Variants in PLEKHA6 observed in about 807,000 individuals in gnomAD.
The protein encoded by PLEKHA6 is pleckstrin homology domain containing A6.
Under a neutral mutation model 116.7 loss-of-function variants are expected in PLEKHA6, and 60 were observed. That is an observed-to-expected ratio of 0.51 (90% CI 0.42 to 0.64). The LOEUF is 0.64. Ranked by LOEUF, PLEKHA6 falls within the 30% of genes least tolerant of loss-of-function variation. PLEKHA6 has a pLI of 0.00. For missense variants in PLEKHA6, 1,338 were observed against 1,422.7 expected (o/e 0.94, Z 0.96); for synonymous variants, 489 against 556.1 (o/e 0.88, Z 1.70).
chr1:204,377,305 T>C (rs2103426257), intron 1 of PLEKHA6, among the ~76,000 whole-genome samples: 1 of 152,204 alleles, frequency 6.6e-6, no homozygotes, highest in Non-Finnish European at 1.5e-5. Context: ...CCTGGAGGCC[T>C]CGCATGTGAC....
intron 1 of PLEKHA6, among the ~76,000 whole-genome samples, chr1:204,312,604 G>A (rs951032165): frequency 1.3e-5 from 2 of 152,156 alleles, no homozygotes; most frequent in Admixed American, 6.5e-5. Flanking sequence ...CCTTTTCTCG[G>A]CAGCGCTGCT....
chr1:204,314,677 C>T (rs941493143), intron 1 of PLEKHA6, among the ~76,000 whole-genome samples: 1 of 152,218 alleles, frequency 6.6e-6, no homozygotes, highest in Non-Finnish European at 1.5e-5. Flanking sequence ...CTCCTGTGCC[C>T]TTCCCTGAGT....
At chr1:204,286,146 A>G (rs1572068774) in intron 1 of PLEKHA6, among the ~76,000 whole-genome samples, 1 of 152,222 alleles carries the variant, frequency 6.6e-6, no homozygotes, top group African/African-American at 2.4e-5. Context: ...CATCACAAGA[A>G]GCAGGTGCCA....
Position 204,228,268 on chromosome 1 carries a change from G to A in PLEKHA6, c.2886-40C>T. 6.4e-7 allele frequency: 1 copy of A among 1,554,878 alleles called. No individual in the cohort carries two copies. Among genetic ancestry groups the A allele is most frequent in the Non-Finnish European group, 8.7e-7 (1 of 1,145,482 alleles). ...ACACACAGAAATGGAGGGAGGGACA[G>A]GATGGTCCAAGTGGCTTGAGGGGGC... is the stretch of plus-strand genomic sequence containing the variant. On this transcript the variant is annotated intron_variant, in intron 20 of 22. Transcript: ENST00000272203. The surrounding 1 kb of genome is among the most constrained non-coding windows in gnomAD (Gnocchi z 4.0).
chr1:204,356,556 G>A (rs1359643441), intron 1 of PLEKHA6, among the ~76,000 whole-genome samples: 1 of 148,266 alleles, frequency 6.7e-6, no homozygotes, highest in East Asian at 1.9e-4. Context: ...AACAGAACAA[G>A]GCCCTGTCTC....
rs4245725 is a variant in PLEKHA6, at chr1:204,275,602, C to G, written c.-94-793G>C. 5.9e-5 allele frequency: 36 copies of G among 607,864 alleles called. 1 individual carries two copies. Among genetic ancestry groups the G allele is most frequent in the Non-Finnish European group, 7.2e-5 (35 of 485,158 alleles). 37.7% of individuals were successfully genotyped at this position (607,864 alleles called of 1,614,324 possible). ...GCATCGTGGAGCCTCCTTGGGAAGA[C>G]CTGCTGTGGCTCCTCCGGCTGGCTG... is the stretch of plus-strand genomic sequence containing the variant. On this transcript the variant is annotated intron_variant, in intron 1 of 22. Coordinates refer to ENST00000272203, the MANE Select transcript of PLEKHA6 (RefSeq NM_014935.5).
chr1:204,337,469 C>T (rs1672689426), intron 1 of PLEKHA6, among the ~76,000 whole-genome samples: 1 of 152,184 alleles, frequency 6.6e-6, no homozygotes, highest in African/African-American at 2.4e-5. Flanking sequence ...CTCCTACATG[C>T]TCTGAGACAG....
Position 204,259,525 on chromosome 1 carries a change from G to A in PLEKHA6, c.740C>T (p.Ser247Leu), listed in dbSNP as rs1171955931. The A allele has an allele frequency of 2.5e-6, 4 of 1,614,114 alleles. No homozygotes were observed. The highest frequency in any genetic ancestry group is 3.4e-6 in the Non-Finnish European group (4 of 1,179,978). Residue 247 changes from serine to leucine, a missense_variant, in exon 8 of 23, where the codon TCA becomes TTA. Ser to Leu is a moderately radical substitution (Grantham distance 145). Transcript: ENST00000272203. This position sits in a 1 kb window ranked among gnomAD's most constrained non-coding sequence, Gnocchi z 4.6. ...NGLPAGPEPA[S>L]EPGSPYPEGP... is the part of the protein sequence containing the mutation. ...CTCGGGGTAAGGGCTGCCCGGCTCT[G>A]AGGCTGGCTCCGGTCCAGCTGGGAG... is the stretch of plus-strand genomic sequence containing the variant.
chr1:204,276,129 G>GTT (rs35199313), intron 1 of PLEKHA6, among the ~76,000 whole-genome samples: 5 of 151,800 alleles, frequency 3.3e-5, no homozygotes, highest in East Asian at 3.9e-4. Context: ...ATCAAAGAGT[G>GTT]TTTTTTTTCA....
intron 1 of PLEKHA6, among the ~76,000 whole-genome samples, chr1:204,280,116 G>A (rs1668440517): frequency 6.6e-6 from 1 of 152,142 alleles, no homozygotes; most frequent in Non-Finnish European, 1.5e-5. Flanking sequence ...AAGAAAAGAA[G>A]CAGATCCTCT....
intron 3 of PLEKHA6, among the ~76,000 whole-genome samples, chr1:204,270,916 C>T (rs556581864): frequency 6.6e-6 from 1 of 152,210 alleles, no homozygotes; most frequent in South Asian, 2.1e-4. Context: ...GGGGAGGACC[C>T]GTCTTCCCTT....
chr1:204,235,760 C>T (rs1271192951), intron 17 of PLEKHA6, among the ~76,000 whole-genome samples: 2 of 152,154 alleles, frequency 1.3e-5, no homozygotes, highest in East Asian at 1.9e-4. Flanking sequence ...TCTTATGAAC[C>T]TTTTTTTGCC....
At chr1:204,322,216 A>C (rs79054247) in intron 1 of PLEKHA6, among the ~76,000 whole-genome samples, 3,210 of 152,256 alleles carry the variant, frequency 0.021, 93 homozygotes, top group African/African-American at 0.073. Context: ...GGTCCGTCTG[A>C]ACCCGCCCCC....
chr1:204,226,781 T>C (rs1416999128), intron 21 of PLEKHA6, among the ~76,000 whole-genome samples: 2 of 152,230 alleles, frequency 1.3e-5, no homozygotes, highest in Non-Finnish European at 2.9e-5. Flanking sequence ...TTTCTGTAGC[T>C]AAAATCTGGT....
chr1:204,291,085 T>G (rs995253577), intron 1 of PLEKHA6, among the ~76,000 whole-genome samples: 1 of 151,960 alleles, frequency 6.6e-6, no homozygotes, highest in African/African-American at 2.4e-5. Flanking sequence ...AGGACTTTTA[T>G]CTAGAACCTA....
At chr1:204,304,617 C>T (rs892184052) in intron 1 of PLEKHA6, among the ~76,000 whole-genome samples, 4 of 152,210 alleles carry the variant, frequency 2.6e-5, no homozygotes, top group African/African-American at 9.6e-5. Context: ...TCTTCTAATA[C>T]ATTTTGCTTT....
At chr1:204,334,742 T>C (rs923664769) in intron 1 of PLEKHA6, among the ~76,000 whole-genome samples, 4 of 151,826 alleles carry the variant, frequency 2.6e-5, no homozygotes, top group African/African-American at 9.7e-5. Context: ...CTACTGAAAA[T>C]ACAAAAATTA....
intron 1 of PLEKHA6, among the ~76,000 whole-genome samples, chr1:204,326,329 G>T (rs189362968): frequency 6.6e-6 from 1 of 152,300 alleles, no homozygotes; most frequent in East Asian, 1.9e-4. Flanking sequence ...ACACGGTCAC[G>T]TCTTAGCTCA....
At chr1:204,340,611 A>G (rs1229719744) in intron 1 of PLEKHA6, among the ~76,000 whole-genome samples, 3 of 152,116 alleles carry the variant, frequency 2.0e-5, no homozygotes, top group African/African-American at 7.2e-5. Context: ...GCAAGTAGGT[A>G]CCCTGACCCC....
Sources: gnomAD v4.1 joint callset for allele counts (sites outside exome capture counted in the v4.1 genomes callset) on GRCh38, gnomAD v4.1.1 for gene constraint, Gnocchi (gnomAD v3.1) non-coding constraint, MANE v1.5 for transcripts, NCBI Gene and HGNC (gene_info 2026-07-23, HGNC 2026-07-21) for gene names.